TET1: variants seen among roughly 807,000 people sequenced by gnomAD.
TET1 encodes the protein methylcytosine dioxygenase TET1.
In TET1, 13 loss-of-function variants were observed where a neutral mutation model predicts 148.7. The ratio of observed to expected loss-of-function variants is 0.09; its 90% CI spans 0.06 to 0.14. The LOEUF is 0.14. Among genes scored for constraint, TET1 ranks in the 10% least tolerant of loss-of-function variants. The probability of loss-of-function intolerance (pLI) is 1.00; values close to 1 mark genes in which losing one functional copy is unlikely to be tolerated. For synonymous variants in TET1, 907 were observed against 937.2 expected (o/e 0.97, Z 0.59); for missense variants, 2,182 against 2,553.8 (o/e 0.85, Z 3.14).
At chr10:68,605,994 A>G (rs1175294325) in intron 3 of TET1, among the ~76,000 whole-genome samples, 1 of 152,148 alleles carries the variant, frequency 6.6e-6, no homozygotes, top group Non-Finnish European at 1.5e-5. Flanking sequence ...CTGAGTAGCT[A>G]GGATTACAGC....
chr10:68,652,967 T>A (rs2054962089), intron 6 of TET1, among the ~76,000 whole-genome samples: 1 of 151,692 alleles, frequency 6.6e-6, no homozygotes, highest in African/African-American at 2.4e-5. Context: ...TAATAGATTT[T>A]TAAGTAAATT....
In TET1 at chr10:68,560,702, T is replaced by A. The variant is rs1554927103; in HGVS notation, c.-163T>A. The A allele has an allele frequency of 6.6e-6, 1 of 152,604 alleles. No homozygotes were observed. Among genetic ancestry groups the A allele is most frequent in the Non-Finnish European group, 1.5e-5 (1 of 68,436 alleles). The allele number at this position is 152,604 out of a possible 1,614,324, so 9.5% of individuals were successfully genotyped here. A position where few individuals can be genotyped will look rare whatever the true frequency, so the allele number is the denominator to read the frequency against. On this transcript the variant is annotated 5_prime_UTR_variant, in exon 1 of 12. Transcript: ENST00000373644. ...CCGAGGGCTGGTGCAGGCTTGGAGCTGGGGGCCGTGCGCTGCCCTGGGAAT... is the reference window on the plus strand; with the variant it reads ...CCGAGGGCTGGTGCAGGCTTGGAGCAGGGGGCCGTGCGCTGCCCTGGGAAT...
At position 68,603,287 on chromosome 10, in the gene TET1, A is replaced by G. The variant is rs144229175; in HGVS notation, c.1968+2253A>G. Among the ~76,000 whole-genome samples the G allele has an allele frequency of 6.9e-4, 105 of 152,282 alleles. 3 individuals carry two copies. The East Asian group carries it at 0.02, about 28-fold the overall frequency. ...CTTTGTCAGGGTGGATGCTGCAGGT[A>G]TCCTGATTGACTTTTCATTTTCATC... On this transcript the variant is annotated intron_variant, in intron 3 of 11. Transcript: ENST00000373644.
intron 2 of TET1, among the ~76,000 whole-genome samples, chr10:68,576,893 C>T (rs971162526): frequency 6.7e-6 from 1 of 149,686 alleles, no homozygotes; most frequent in Non-Finnish European, 1.5e-5. Context: ...AGGCACCCAC[C>T]ACCATACCTG....
At chr10:68,665,308 G>A (rs1308653677) in intron 6 of TET1, among the ~76,000 whole-genome samples, 1 of 151,620 alleles carries the variant, frequency 6.6e-6, no homozygotes, top group East Asian at 1.9e-4. Context: ...ACATACACAC[G>A]AACCTCTGAT....
intron 3 of TET1, among the ~76,000 whole-genome samples, chr10:68,607,207 A>G (rs2054136701): frequency 6.6e-6 from 1 of 151,528 alleles, no homozygotes; most frequent in Non-Finnish European, 1.5e-5. Flanking sequence ...TTCCTAGTCC[A>G]CAAAAGAACA....
chr10:68,675,210 A>G (rs2055332754), intron 8 of TET1: 1 of 242,588 alleles, frequency 4.1e-6, no homozygotes, highest in Admixed American at 5.9e-5. Flanking sequence ...TTCAAGGAAA[A>G]TGCATATTAT....
intron 3 of TET1, chr10:68,632,224 A>C: frequency 7.6e-6 from 5 of 660,792 alleles, no homozygotes; most frequent in Non-Finnish European, 1.3e-5. Context: ...CAGGAGGCTG[A>C]GGCAGGAGAA....
rs1318465923 is a variant in TET1 at position 68,645,506 on chromosome 10, T to G, written c.2777T>G (p.Leu926Trp). The stretch of plus-strand genomic sequence containing the variant: ...GAATCAGAGCAGAGAACAGCCAGTT[T>G]GCTTAATAGCTGCAAAGCTATCCTC... Reference protein sequence around the residue: ...DEESEQRTASLLNSCKAILYT... With the variant: ...DEESEQRTASWLNSCKAILYT... The change falls in exon 4 of 12, where the codon TTG becomes TGG. Residue 926 changes from leucine (L) to tryptophan (W), a missense_variant. Leu to Trp is a moderately conservative substitution (Grantham distance 61). Coordinates refer to ENST00000373644, the MANE Select transcript of TET1 (RefSeq NM_030625.3). The G allele has an allele frequency of 1.2e-6, 2 of 1,614,080 alleles. No homozygotes were observed. The highest frequency in any genetic ancestry group is 1.7e-6 in the Non-Finnish European group (2 of 1,180,052).
In TET1 at chr10:68,691,145, T is replaced by C. The variant is rs770092885; in HGVS notation, c.5742T>C (p.Ser1914=). 47 of 1,614,224 alleles carry C rather than the reference T, an allele frequency of 2.9e-5. 1 individual carries two copies. The South Asian group carries it at 4.8e-4, about 17-fold the overall frequency. ...LGEVAPLPTL[S]APVMEPLINS... ...AAGTGGCTCCTCTCCCCACCCTGTCTGCTCCTGTGATGGAGCCCCTCATTA... is the reference window on the plus strand; with the variant it reads ...AAGTGGCTCCTCTCCCCACCCTGTCCGCTCCTGTGATGGAGCCCCTCATTA... Residue 1914 remains serine, a synonymous_variant, in exon 12 of 12, where the codon TCT becomes TCC. Coordinates refer to ENST00000373644, the MANE Select transcript of TET1 (RefSeq NM_030625.3). The surrounding 1 kb of genome is among the most constrained non-coding windows in gnomAD (Gnocchi z 4.4).
intron 1 of TET1, among the ~76,000 whole-genome samples, chr10:68,562,909 A>C (rs1285572311): frequency 1.3e-5 from 2 of 151,918 alleles, no homozygotes; most frequent in Admixed American, 1.3e-4. Context: ...ATTACTATAG[A>C]TGTCGAACCC....
intron 2 of TET1, among the ~76,000 whole-genome samples, chr10:68,582,429 T>G (rs2132816621): frequency 6.6e-6 from 1 of 152,272 alleles, no homozygotes; most frequent in Non-Finnish European, 1.5e-5. Context: ...TAATGTGCCA[T>G]GTTCATTACC....
Position 68,646,226 on chromosome 10 carries a change from T to A in TET1, c.3497T>A (p.Val1166Glu). Residue 1166 changes from valine (V) to glutamate (E), a missense_variant, in exon 4 of 12, where the codon GTA becomes GAA. Val to Glu is a moderately radical substitution (Grantham distance 121). Around this residue, in one of 11 missense-constraint regions of TET1, gnomAD observed 582 missense variants for 599.5 expected, o/e 0.97. Coordinates refer to ENST00000373644, the MANE Select transcript of TET1 (RefSeq NM_030625.3). ...CGGCGGAAAAAGAAGCCCACAGTTG[T>A]AAGTTATCAAGAAAATGATCGGCAG... ...RDRRKKKPTV[V>E]SYQENDRQKW... 2 of 1,614,080 alleles carry A rather than the reference T, an allele frequency of 1.2e-6. No homozygotes were observed. Among genetic ancestry groups the A allele is most frequent in the Non-Finnish European group, 1.7e-6 (2 of 1,180,016 alleles).
At chr10:68,585,949 A>G (rs2053856292) in intron 2 of TET1, among the ~76,000 whole-genome samples, 1 of 150,992 alleles carries the variant, frequency 6.6e-6, no homozygotes, top group Non-Finnish European at 1.5e-5. Flanking sequence ...CGGAGGTTGC[A>G]GTCAGCTGAG....
In TET1 at chr10:68,573,601, G is replaced by C; in HGVS notation, c.1263G>C (p.Met421Ile). 6.2e-7 allele frequency: 1 copy of C among 1,614,178 alleles called. No homozygotes were observed. Among genetic ancestry groups the C allele is most frequent in the South Asian group, 1.1e-5 (1 of 91,082 alleles). The change falls in exon 2 of 12, where the codon ATG becomes ATC. Residue 421 changes from methionine to isoleucine, a missense_variant. By Grantham distance (10) the Met-to-Ile change is conservative. Coordinates refer to ENST00000373644, the MANE Select transcript of TET1 (RefSeq NM_030625.3). The part of the protein sequence containing the change: ...TILDQQETLG[M>I]SGSVVPDLPV... ...TAGACCAACAAGAAACTCTTGGTATGAGTGGGAGTGTTGTCCCAGACTTGC... is the reference window on the plus strand; with the variant it reads ...TAGACCAACAAGAAACTCTTGGTATCAGTGGGAGTGTTGTCCCAGACTTGC...
intron 6 of TET1, among the ~76,000 whole-genome samples, chr10:68,657,717 T>G (rs556498281): frequency 2.0e-5 from 3 of 152,204 alleles, no homozygotes; most frequent in Non-Finnish European, 4.4e-5. Context: ...AGCTATATTC[T>G]GAGGCATGAG....
intron 3 of TET1, among the ~76,000 whole-genome samples, chr10:68,603,735 A>G (rs1420062076): frequency 6.6e-6 from 1 of 152,178 alleles, no homozygotes. Context: ...CACATGAGCT[A>G]TATGCACTCC....
intron 6 of TET1, among the ~76,000 whole-genome samples, chr10:68,655,486 T>C (rs1385768259): frequency 1.3e-5 from 2 of 152,206 alleles, no homozygotes; most frequent in Admixed American, 6.5e-5. Context: ...TGGTAAGGAA[T>C]GAATATGTCC....
chr10:68,660,073 G>A (rs1182010788), intron 6 of TET1, among the ~76,000 whole-genome samples: 1 of 151,962 alleles, frequency 6.6e-6, no homozygotes, highest in African/African-American at 2.4e-5. Flanking sequence ...CCCTTCTTTG[G>A]AAAGATACCC....
Sources: allele counts gnomAD v4.1 joint callset (sites outside exome capture counted in the v4.1 genomes callset), GRCh38; gene constraint gnomAD v4.1.1; regional missense constraint gnomAD v4.1.1; non-coding constraint Gnocchi (gnomAD v3.1); transcripts MANE v1.5; gene names NCBI Gene and HGNC (gene_info 2026-07-23, HGNC 2026-07-21).